Variants in MAGI2 observed in about 807,000 individuals in gnomAD.
MAGI2 encodes membrane associated guanylate kinase, WW and PDZ domain containing 2.
MAGI2 carries 35 observed loss-of-function variants against 133.3 expected under a neutral mutation model. The ratio of observed to expected loss-of-function variants is 0.26; its 90% CI spans 0.20 to 0.35. MAGI2 has a LOEUF of 0.35. Ranked by LOEUF, MAGI2 falls within the 10% of genes least tolerant of loss-of-function variation. The probability of loss-of-function intolerance (pLI) is 1.00; values close to 1 mark genes in which losing one functional copy is unlikely to be tolerated. For missense variants in MAGI2, 1,636 were observed against 1,863.4 expected, an observed-to-expected ratio of 0.88 and a Z score of 2.25; for synonymous variants, 729 against 710.6, an observed-to-expected ratio of 1.03 and a Z score of -0.41.
chr7:78,755,252 A>G (rs977712353), intron 2 of MAGI2, among the ~76,000 whole-genome samples: 1 of 152,200 alleles, frequency 6.6e-6, no homozygotes, highest in Non-Finnish European at 1.5e-5. Context: ...CTAGACAGAA[A>G]TTAGGAGTCT....
chr7:78,025,549 A>G (rs983388402), intron 21 of MAGI2, among the ~76,000 whole-genome samples: 4 of 152,322 alleles, frequency 2.6e-5, no homozygotes, highest in Middle Eastern at 3.4e-3. Flanking sequence ...TATTCCACAA[A>G]TAGAAATGGA....
At chr7:78,742,872 T>C (rs1021056341) in intron 2 of MAGI2, among the ~76,000 whole-genome samples, 2 of 152,306 alleles carry the variant, frequency 1.3e-5, no homozygotes, top group Admixed American at 1.3e-4. Context: ...AGTAGTCTGA[T>C]TGGGCTTCCC....
intron 7 of MAGI2, among the ~76,000 whole-genome samples, chr7:78,363,581 G>A (rs1465348135): frequency 6.6e-6 from 1 of 151,372 alleles, no homozygotes; most frequent in Non-Finnish European, 1.5e-5. Context: ...TCTGGCCATG[G>A]GATTATATGT....
At chr7:78,899,650 G>A (rs1040537759) in intron 2 of MAGI2, among the ~76,000 whole-genome samples, 4 of 152,132 alleles carry the variant, frequency 2.6e-5, no homozygotes, top group Non-Finnish European at 5.9e-5. Context: ...AATCCCCTGG[G>A]AGGTGTGAAA....
intron 20 of MAGI2, among the ~76,000 whole-genome samples, chr7:78,085,521 C>T (rs1816520358): frequency 6.7e-6 from 1 of 149,494 alleles, no homozygotes; most frequent in South Asian, 2.1e-4. Context: ...GAGGACTTAT[C>T]TCTAAAACAA....
At chr7:78,606,194 C>G (rs1805795738) in intron 3 of MAGI2, among the ~76,000 whole-genome samples, 1 of 152,022 alleles carries the variant, frequency 6.6e-6, no homozygotes, top group South Asian at 2.1e-4. Context: ...GTCATGTGCT[C>G]AGTTGAATTT....
At chr7:78,059,303 A>G (rs1450528496) in intron 21 of MAGI2, among the ~76,000 whole-genome samples, 1 of 152,226 alleles carries the variant, frequency 6.6e-6, no homozygotes, top group African/African-American at 2.4e-5. Context: ...ACACAGGATT[A>G]AAAACCCTTT....
chr7:78,068,761 G>A (rs745847496), intron 21 of MAGI2, among the ~76,000 whole-genome samples: 7 of 152,158 alleles, frequency 4.6e-5, no homozygotes, highest in Non-Finnish European at 5.9e-5. Flanking sequence ...GTGATGCCTT[G>A]GAGACTGGAC....
intron 1 of MAGI2, among the ~76,000 whole-genome samples, chr7:79,085,753 C>T (rs141726588): frequency 1.1e-3 from 172 of 151,956 alleles, no homozygotes; most frequent in Non-Finnish European, 6.5e-4. Context: ...TGGCTGCTAA[C>T]GACTCTGATC....
chr7:78,257,504 G>T (rs1309811730), intron 9 of MAGI2, among the ~76,000 whole-genome samples: 1 of 152,126 alleles, frequency 6.6e-6, no homozygotes, highest in Admixed American at 6.6e-5. Context: ...ATTTTCAGAG[G>T]TCTACTGGTT....
intron 3 of MAGI2, among the ~76,000 whole-genome samples, chr7:78,563,196 G>C (rs1051179514): frequency 6.6e-6 from 1 of 152,140 alleles, no homozygotes; most frequent in Non-Finnish European, 1.5e-5. Context: ...ATCCTTGCAA[G>C]ATGACAGGGC....
At chr7:79,271,880 C>G (rs1834906870) in intron 1 of MAGI2, among the ~76,000 whole-genome samples, 1 of 151,960 alleles carries the variant, frequency 6.6e-6, no homozygotes, top group Non-Finnish European at 1.5e-5. Flanking sequence ...ACAAACTCTC[C>G]CCACCACAGT....
At chr7:78,564,615 T>C (rs937404399) in intron 3 of MAGI2, among the ~76,000 whole-genome samples, 3 of 152,046 alleles carry the variant, frequency 2.0e-5, no homozygotes, top group African/African-American at 4.8e-5. Context: ...TGTCGTCTCT[T>C]ATATAACTGT....
chr7:78,845,937 G>A (rs1414594032), intron 2 of MAGI2, among the ~76,000 whole-genome samples: 1 of 151,878 alleles, frequency 6.6e-6, no homozygotes, highest in African/African-American at 2.4e-5. Context: ...ATATGGAAAG[G>A]CAACAAAATG....
intron 6 of MAGI2, chr7:78,484,804 G>A (rs1464407233): frequency 1.3e-4 from 19 of 151,928 alleles, no homozygotes; most frequent in Admixed American, 1.2e-3. Flanking sequence ...AACATGTGAA[G>A]GTAAATCTGC....
At chr7:79,324,355 GTA>G (rs1349970496) in intron 1 of MAGI2, among the ~76,000 whole-genome samples, 1 of 147,702 alleles carries the variant, frequency 6.8e-6, no homozygotes, top group Non-Finnish European at 1.5e-5. Context: ...ATGTATGTAT[GTA>G]TGTGTGTGTA....
At chr7:78,245,597 T>C (rs1251277746) in intron 10 of MAGI2, among the ~76,000 whole-genome samples, 1 of 151,924 alleles carries the variant, frequency 6.6e-6, no homozygotes, top group African/African-American at 2.4e-5. Context: ...CCAGAGAGGA[T>C]GGAAGGAAAC....
intron 10 of MAGI2, among the ~76,000 whole-genome samples, chr7:78,234,315 G>A (rs1047611682): frequency 2.0e-5 from 3 of 152,040 alleles, no homozygotes; most frequent in Non-Finnish European, 2.9e-5. Flanking sequence ...GAACTGAAAT[G>A]CATTGTAATG....
At chr7:78,854,392 A>G (rs1466937558) in intron 2 of MAGI2, among the ~76,000 whole-genome samples, 3 of 152,140 alleles carry the variant, frequency 2.0e-5, no homozygotes, top group African/African-American at 7.2e-5. Context: ...TAAAACTTAT[A>G]CTTGTTTTAT....
Sources: gnomAD v4.1 joint callset for allele counts (sites outside exome capture counted in the v4.1 genomes callset) on GRCh38, gnomAD v4.1.1 for gene constraint, MANE v1.5 for transcripts, NCBI Gene and HGNC (gene_info 2026-07-23, HGNC 2026-07-21) for gene names.